The following PRTG variants were observed in gnomAD, a reference collection of about 807,000 sequenced individuals.
PRTG encodes the protein immunoglobulin superfamily, DCC subclass, member 5.
In PRTG, 67 loss-of-function variants were observed where a neutral mutation model predicts 122.5. That is an observed-to-expected ratio of 0.55 (90% CI 0.45 to 0.67). The LOEUF (loss-of-function observed/expected upper bound fraction) is 0.67, where lower values mean the gene tolerates loss of function less well. Among genes scored for constraint, PRTG ranks in the 30% least tolerant of loss-of-function variants. PRTG has a pLI of 0.00. For synonymous variants in PRTG, 554 were observed against 501.1 expected, an observed-to-expected ratio of 1.11 and a Z score of -1.41; for missense variants, 1,435 against 1,415.4, an observed-to-expected ratio of 1.01 and a Z score of -0.22.
chr15:55,665,889 T>C (rs1480295181), intron 11 of PRTG, among the ~76,000 whole-genome samples: 3 of 152,214 alleles, frequency 2.0e-5, no homozygotes, highest in African/African-American at 7.2e-5. Context: ...AAGAATACTA[T>C]TTTGTGACAC....
chr15:55,646,410 C>T (rs2059324083), intron 11 of PRTG, among the ~76,000 whole-genome samples: 1 of 151,896 alleles, frequency 6.6e-6, no homozygotes, highest in Non-Finnish European at 1.5e-5. Context: ...GCAAGCTCCG[C>T]CTACAGGGTT....
intron 2 of PRTG, among the ~76,000 whole-genome samples, chr15:55,695,396 A>G (rs1481258642): frequency 6.6e-6 from 1 of 152,268 alleles, no homozygotes; most frequent in Non-Finnish European, 1.5e-5. Flanking sequence ...TAATGTAAGA[A>G]AAACATCACA....
chr15:55,633,821 G>C (rs1160081083), intron 15 of PRTG, among the ~76,000 whole-genome samples: 1 of 152,060 alleles, frequency 6.6e-6, no homozygotes, highest in Non-Finnish European at 1.5e-5. Context: ...TACGAAAAAA[G>C]TTCTCTGCAT....
intron 11 of PRTG, among the ~76,000 whole-genome samples, chr15:55,645,629 G>T (rs1320382302): frequency 6.6e-6 from 1 of 151,842 alleles, no homozygotes; most frequent in Non-Finnish European, 1.5e-5. Flanking sequence ...CACAAAGAAT[G>T]AACCTCAGCA....
chr15:55,650,101 A>C (rs1024498262), intron 11 of PRTG, among the ~76,000 whole-genome samples: 11 of 152,210 alleles, frequency 7.2e-5, no homozygotes, highest in African/African-American at 2.4e-4. Flanking sequence ...ATTTGGATAT[A>C]AATCTTAGAT....
chr15:55,708,162 A>AC (rs1440667898), intron 2 of PRTG, among the ~76,000 whole-genome samples: 1 of 95,960 alleles, frequency 1.0e-5, no homozygotes, highest in Non-Finnish European at 2.2e-5. Flanking sequence ...AAAAAAAAAA[A>AC]AAAAAAAAAA....
intron 2 of PRTG, among the ~76,000 whole-genome samples, chr15:55,731,272 A>C (rs574024086): frequency 6.6e-6 from 1 of 152,104 alleles, no homozygotes; most frequent in African/African-American, 2.4e-5. Context: ...TCAATATTTT[A>C]ATCTGAGTTA....
chr15:55,726,710 A>C (rs567104158), intron 2 of PRTG, among the ~76,000 whole-genome samples: 1 of 152,194 alleles, frequency 6.6e-6, no homozygotes, highest in African/African-American at 2.4e-5. Context: ...ATAAAACTTA[A>C]ACCAGAAGTA....
intron 2 of PRTG, among the ~76,000 whole-genome samples, chr15:55,716,240 A>G (rs990696848): frequency 1.3e-5 from 2 of 152,170 alleles, no homozygotes; most frequent in Non-Finnish European, 1.5e-5. Context: ...CAAAAACAGA[A>G]AACAAACAAA....
intron 2 of PRTG, among the ~76,000 whole-genome samples, chr15:55,724,165 T>C (rs935229741): frequency 1.3e-5 from 2 of 152,230 alleles, no homozygotes; most frequent in African/African-American, 2.4e-5. Context: ...TTAGGTGGAA[T>C]GCTTTTATAT....
intron 11 of PRTG, among the ~76,000 whole-genome samples, chr15:55,654,389 A>G (rs7171522): frequency 0.68 from 104,000 of 151,944 alleles, 35,994 homozygotes; most frequent in Middle Eastern, 0.77. Context: ...CTTAAAAGCG[A>G]GTAAAATGGA....
At chr15:55,632,119 T>C (rs1207223417) in intron 15 of PRTG, among the ~76,000 whole-genome samples, 1 of 152,034 alleles carries the variant, frequency 6.6e-6, no homozygotes, top group Non-Finnish European at 1.5e-5. Flanking sequence ...AGTCCAAAAC[T>C]CTCCCATAAA....
intron 8 of PRTG, 147 bp from the exon 9 acceptor site, chr15:55,675,830 T>A (rs1007733742): frequency 2.0e-6 from 1 of 492,530 alleles, no homozygotes; most frequent in Non-Finnish European, 3.6e-6. Flanking sequence ...AACAGGAAGG[T>A]CTTTATTTTC....
At chr15:55,629,690 C>A (rs1013852404) in intron 15 of PRTG, among the ~76,000 whole-genome samples, 5 of 151,968 alleles carry the variant, frequency 3.3e-5, no homozygotes, top group Non-Finnish European at 7.4e-5. Flanking sequence ...TTTTAAAAAT[C>A]CAATGCAAGA....
chr15:55,670,884 G>A (rs2059465797), intron 11 of PRTG, among the ~76,000 whole-genome samples: 1 of 147,520 alleles, frequency 6.8e-6, no homozygotes, highest in Non-Finnish European at 1.5e-5. Context: ...TGGGCAACAA[G>A]AGTAAAACTC....
At chr15:55,639,555 C>T in intron 13 of PRTG, 87 bp downstream of exon 13, 1 of 1,196,046 alleles carries the variant, frequency 8.4e-7, no homozygotes. Context: ...GAAGCCCGAG[C>T]TGGGCCCAAG....
chr15:55,669,915 C>T (rs1406699753), intron 11 of PRTG, among the ~76,000 whole-genome samples: 1 of 152,156 alleles, frequency 6.6e-6, no homozygotes. Context: ...AATAATTTTC[C>T]AGTTTATGCA....
At chr15:55,724,400 C>G (rs2030949500) in intron 2 of PRTG, among the ~76,000 whole-genome samples, 1 of 151,984 alleles carries the variant, frequency 6.6e-6, no homozygotes, top group South Asian at 2.1e-4. Context: ...TTTTGATTAA[C>G]AGCCAATTTC....
chr15:55,738,001 TCTATA>T (rs1567121629), intron 2 of PRTG, among the ~76,000 whole-genome samples: 55 of 68,948 alleles, frequency 8.0e-4, no homozygotes, highest in Admixed American at 2.3e-3. Context: ...TCTCTCTCTC[TCTATA>T]TATATATATA....
Sources: allele counts gnomAD v4.1 joint callset (sites outside exome capture counted in the v4.1 genomes callset), GRCh38; gene constraint gnomAD v4.1.1; transcripts MANE v1.5; gene names NCBI Gene and HGNC (gene_info 2026-07-23, HGNC 2026-07-21).